The following LRCH2 variants were observed in gnomAD, a reference collection of about 807,000 sequenced individuals.
LRCH2 encodes the protein leucine rich repeats and calponin homology domain containing 2, also known as leucine-rich repeat and calponin homology domain-containing protein 2.
A neutral mutation model predicts 68.9 loss-of-function variants in LRCH2; 38 were observed. That is an observed-to-expected ratio of 0.55 (90% CI 0.43 to 0.72). The LOEUF (loss-of-function observed/expected upper bound fraction) is 0.72. Among genes scored for constraint, LRCH2 ranks in the 30% least tolerant of loss-of-function variants. LRCH2 has a pLI of 0.00. For synonymous variants in LRCH2, 191 were observed against 208.1 expected, an observed-to-expected ratio of 0.92 and a Z score of 0.71; for missense variants, 528 against 572.9, an observed-to-expected ratio of 0.92 and a Z score of 0.80.
In LRCH2 at chrX:115,159,111, CT is replaced by C. The variant is rs782497347; in HGVS notation, c.1464-2445del. 2.7e-5 allele frequency among the ~76,000 whole-genome samples: 3 copies of C among 111,134 alleles called. No homozygotes were observed. The East Asian group carries it at 8.5e-4, about 31-fold the overall frequency. ...TTTCTTGGTCTAAAAAACATGCTCC[CT>C]TTTGTCAATTTTATTTTATTTTGGT... On this transcript the variant is annotated intron_variant, in intron 11 of 20. Coordinates refer to ENST00000317135, the MANE Select transcript of LRCH2 (RefSeq NM_020871.4).
chrX:115,163,563 C>G, intron 11 of LRCH2, 113 bp downstream of exon 11: 1 of 487,195 alleles, frequency 2.1e-6, no homozygotes, highest in Non-Finnish European at 3.3e-6. Flanking sequence ...TGAGATAGAT[C>G]TTAAGAGGGC....
chrX:115,216,490 G>T (rs1239715379), intron 1 of LRCH2, among the ~76,000 whole-genome samples: 1 of 111,954 alleles, frequency 8.9e-6, no homozygotes, highest in Non-Finnish European at 1.9e-5. Context: ...AATATGAAAT[G>T]AAGAAATACT....
chrX:115,210,663 A>G (rs1252038498), intron 1 of LRCH2, among the ~76,000 whole-genome samples: 1 of 110,582 alleles, frequency 9.0e-6, no homozygotes, highest in Non-Finnish European at 1.9e-5. Flanking sequence ...AGACCCCACA[A>G]TGGTAGATCC....
chrX:115,170,495 A>C (rs1351539405), intron 5 of LRCH2, 63 bp from the exon 6 acceptor site: 1 of 911,217 alleles, frequency 1.1e-6, no homozygotes, highest in East Asian at 3.7e-5. Flanking sequence ...CTATCATTTT[A>C]AACCATTCAA....
At chrX:115,125,878 T>C (rs1556527912) in intron 16 of LRCH2, among the ~76,000 whole-genome samples, 1 of 108,549 alleles carries the variant, frequency 9.2e-6, no homozygotes, top group Non-Finnish European at 1.9e-5. Flanking sequence ...AAAGTGTGTA[T>C]ACCATTTTAC....
chrX:115,175,511 T>C (rs2072640030), intron 5 of LRCH2, among the ~76,000 whole-genome samples: 1 of 111,686 alleles, frequency 9.0e-6, no homozygotes, highest in South Asian at 3.9e-4. Flanking sequence ...CTATTACCAT[T>C]AGCTCATGCT....
chrX:115,131,170 A>G (rs1417685138), intron 14 of LRCH2, among the ~76,000 whole-genome samples: 3 of 110,028 alleles, frequency 2.7e-5, no homozygotes, highest in African/African-American at 9.9e-5. Flanking sequence ...TGCAGGTTAC[A>G]TATGTATACA....
At chrX:115,144,153 CTT>C (rs781969460) in intron 14 of LRCH2, among the ~76,000 whole-genome samples, 66 of 111,497 alleles carry the variant, frequency 5.9e-4, no homozygotes, top group African/African-American at 2.1e-3. Flanking sequence ...GCTCTCTTCT[CTT>C]GTCTGCCACC....
At chrX:115,154,997 C>T (rs1446020879) in intron 12 of LRCH2, among the ~76,000 whole-genome samples, 2 of 94,231 alleles carry the variant, frequency 2.1e-5, no homozygotes, top group Non-Finnish European at 4.2e-5. Context: ...CTCATCTCCG[C>T]GCCACTGCAC....
intron 14 of LRCH2, among the ~76,000 whole-genome samples, chrX:115,131,023 A>G (rs1373930542): frequency 9.0e-6 from 1 of 111,559 alleles, no homozygotes; most frequent in Non-Finnish European, 1.9e-5. Context: ...GATTATGTCC[A>G]AATTTCTATG....
intron 14 of LRCH2, among the ~76,000 whole-genome samples, chrX:115,144,565 C>CAAA (rs59018534): frequency 2.7e-4 from 26 of 96,039 alleles, no homozygotes; most frequent in Admixed American, 1.1e-3. Context: ...TAGACTCCAC[C>CAAA]AAAAAAAAAA....
At chrX:115,149,073 C>T (rs991076318) in intron 14 of LRCH2, among the ~76,000 whole-genome samples, 5 of 111,421 alleles carry the variant, frequency 4.5e-5, no homozygotes, top group Non-Finnish European at 7.5e-5. Context: ...AATAATTAGG[C>T]TTTGGGAAAC....
intron 1 of LRCH2, among the ~76,000 whole-genome samples, chrX:115,193,571 G>A (rs782408468): frequency 1.8e-4 from 20 of 111,937 alleles, no homozygotes; most frequent in Non-Finnish European, 2.8e-4. Context: ...TCATGGAATC[G>A]TTATAACCAT....
At chrX:115,145,873 G>A (rs1212449550) in intron 14 of LRCH2, among the ~76,000 whole-genome samples, 1 of 111,909 alleles carries the variant, frequency 8.9e-6, no homozygotes, top group East Asian at 2.8e-4. Context: ...ATGGAGAACA[G>A]TTTGGAGGCT....
At chrX:115,227,639 C>T (rs782399142) in intron 1 of LRCH2, among the ~76,000 whole-genome samples, 8 of 107,339 alleles carry the variant, frequency 7.5e-5, no homozygotes, top group Admixed American at 2.1e-4. Context: ...TAAGGATTTA[C>T]GTATTGCAAT....
At chrX:115,212,227 T>C (rs2073012351) in intron 1 of LRCH2, among the ~76,000 whole-genome samples, 1 of 111,274 alleles carries the variant, frequency 9.0e-6, no homozygotes, top group Non-Finnish European at 1.9e-5. Flanking sequence ...TTTGGGTCAG[T>C]TCCCCGTACT....
chrX:115,219,885 G>T (rs1170315673), intron 1 of LRCH2, among the ~76,000 whole-genome samples: 16 of 111,652 alleles, frequency 1.4e-4, no homozygotes, highest in Non-Finnish European at 1.1e-4. Flanking sequence ...GAGACAGATT[G>T]TGGTTGAGCC....
intron 1 of LRCH2, among the ~76,000 whole-genome samples, chrX:115,212,962 C>A (rs2147354927): frequency 9.4e-6 from 1 of 106,401 alleles, no homozygotes; most frequent in East Asian, 3.0e-4. Flanking sequence ...CAGAGCAAGA[C>A]CTTGTCTCAT....
chrX:115,194,488 T>C (rs1180601677), intron 1 of LRCH2, among the ~76,000 whole-genome samples: 1 of 111,831 alleles, frequency 8.9e-6, no homozygotes, highest in African/African-American at 3.3e-5. Flanking sequence ...GAGTTCAAAA[T>C]TACTGTTTAC....
Sources: allele counts gnomAD v4.1 joint callset (sites outside exome capture counted in the v4.1 genomes callset), GRCh38; gene constraint gnomAD v4.1.1; transcripts MANE v1.5; gene names NCBI Gene and HGNC (gene_info 2026-07-23, HGNC 2026-07-21).